Variants in SFXN5 observed in about 807,000 individuals in gnomAD.
SFXN5 encodes sideroflexin-5.
SFXN5 carries 43 observed loss-of-function variants against 50.2 expected under a neutral mutation model. The observed-to-expected ratio is 0.86, with a 90% CI of 0.67 to 1.11. The LOEUF (loss-of-function observed/expected upper bound fraction) is 1.11, where lower values mean the gene tolerates loss of function less well. Among genes scored for constraint, SFXN5 ranks in the 50% least tolerant of loss-of-function variants. The pLI is 0.00. For synonymous variants in SFXN5, 203 were observed against 185.8 expected (o/e 1.09, Z -0.75); for missense variants, 463 against 454.1 (o/e 1.02, Z -0.18).
At chr2:73,000,227 G>C (rs2105686564) in intron 8 of SFXN5, among the ~76,000 whole-genome samples, 1 of 152,256 alleles carries the variant, frequency 6.6e-6, no homozygotes, top group African/African-American at 2.4e-5. Flanking sequence ...AGGGCTCCTG[G>C]CCCAGAAACT....
intron 6 of SFXN5, among the ~76,000 whole-genome samples, chr2:73,015,107 T>C (rs1675984000): frequency 6.6e-6 from 1 of 152,258 alleles, no homozygotes; most frequent in South Asian, 2.1e-4. Context: ...TTATAGACAC[T>C]ATCAAGTTAA....
chr2:72,975,306 C>A (rs561221289), intron 10 of SFXN5, among the ~76,000 whole-genome samples: 1 of 152,124 alleles, frequency 6.6e-6, no homozygotes, highest in Non-Finnish European at 1.5e-5. Context: ...GACAAATGTG[C>A]AAGAAAGTTC....
intron 2 of SFXN5, among the ~76,000 whole-genome samples, chr2:73,042,875 G>A (rs1320745138): frequency 6.6e-6 from 1 of 151,762 alleles, no homozygotes; most frequent in East Asian, 1.9e-4. Context: ...CTTGAAGCCA[G>A]GAGTTTGAGA....
intron 3 of SFXN5, among the ~76,000 whole-genome samples, chr2:73,024,032 AC>A (rs1179946802): frequency 1.3e-5 from 2 of 151,752 alleles, no homozygotes; most frequent in South Asian, 2.1e-4. Flanking sequence ...TAATACCAAG[AC>A]CCCCATCAAT....
chr2:72,971,549 C>T, intron 11 of SFXN5, 21 bp downstream of exon 11: 1 of 1,598,704 alleles, frequency 6.3e-7, no homozygotes, highest in Non-Finnish European at 8.6e-7. Context: ...CCTCCCCAAC[C>T]CTGCGAACCC....
At chr2:73,050,420 A>ACACACACACACACACC (rs1553523879) in intron 2 of SFXN5, among the ~76,000 whole-genome samples, 379 of 140,772 alleles carry the variant, frequency 2.7e-3, no homozygotes, top group Middle Eastern at 3.7e-3. Context: ...ACACACACAC[A>ACACACACACACACACC]CCCCTGCAGA....
rs116749595 is a variant in SFXN5 at position 73,033,950 on chromosome 2, C to T, written c.249+6904G>A. 5.3e-5 allele frequency among the ~76,000 whole-genome samples: 8 copies of T among 152,136 alleles called. 1 individual carries two copies. The highest frequency in any genetic ancestry group is 4.6e-4 in the Admixed American group (7 of 15,292). On this transcript the variant is annotated intron_variant, in intron 3 of 13. Coordinates refer to ENST00000272433, the MANE Select transcript of SFXN5 (RefSeq NM_144579.3). ...CACCCTCAGTACACTGGACAGCCCT[C>T]GCAAAAAAGAATAATCTGGCTCCAA... is the stretch of plus-strand genomic sequence containing the variant.
intron 3 of SFXN5, among the ~76,000 whole-genome samples, chr2:73,037,453 A>G (rs1679129857): frequency 6.6e-6 from 1 of 152,238 alleles, no homozygotes. Flanking sequence ...TTTGACTAAC[A>G]GAAGTTCCAG....
At chr2:72,962,675 A>G (rs1673880384) in intron 12 of SFXN5, among the ~76,000 whole-genome samples, 2 of 152,228 alleles carry the variant, frequency 1.3e-5, no homozygotes, top group South Asian at 4.1e-4. Flanking sequence ...CTATGCAAGT[A>G]AAAGGGTGAG....
rs879354875 is a variant in SFXN5, at chr2:72,961,223, G to A, written c.853C>T (p.Arg285Trp). 13 of 1,538,698 alleles carry A rather than the reference G, an allele frequency of 8.4e-6. No homozygotes were observed. The highest frequency in any genetic ancestry group is 1.9e-4 in the Middle Eastern group (1 of 5,330). The part of the protein sequence containing the change: ...EKTALLQARP[R>W]LLLPVQSLVC... ...AGGCTTTGCACAGGGAGGAGCAGCC[G>A]GGGGCGTGCCTGCAGGAGAGCCGTC... The change falls in exon 13 of 14, where the codon CGG becomes TGG. Residue 285 changes from arginine to tryptophan, a missense_variant. By Grantham distance (101) the Arg-to-Trp change is moderately radical. Coordinates refer to ENST00000272433, the MANE Select transcript of SFXN5 (RefSeq NM_144579.3). The surrounding 1 kb of genome is among the most constrained non-coding windows in gnomAD (Gnocchi z 4.4).
In SFXN5 at chr2:72,998,937, G is replaced by A. The variant is rs372881738; in HGVS notation, c.534+12C>T. 1.6e-5 allele frequency: 26 copies of A among 1,613,532 alleles called. No homozygotes were observed. Among genetic ancestry groups the A allele is most frequent in the Middle Eastern group, 1.6e-4 (1 of 6,076 alleles). On this transcript the variant is annotated intron_variant, in intron 9 of 13. Coordinates refer to ENST00000272433, the MANE Select transcript of SFXN5 (RefSeq NM_144579.3). ...AGCAGAGCCAAGAAGGAGCAGGGGAGGGAGTACTCACAGCAATGGAGACGG... is the reference window on the plus strand; with the variant it reads ...AGCAGAGCCAAGAAGGAGCAGGGGAAGGAGTACTCACAGCAATGGAGACGG...
chr2:73,043,544 G>A (rs1270577370), intron 2 of SFXN5, among the ~76,000 whole-genome samples: 1 of 152,180 alleles, frequency 6.6e-6, no homozygotes, highest in African/African-American at 2.4e-5. Context: ...GCAGTCAGGG[G>A]GCCAGGAACA....
At chr2:73,053,173 CGA>C (rs1559209897) in intron 2 of SFXN5, among the ~76,000 whole-genome samples, 4 of 135,600 alleles carry the variant, frequency 2.9e-5, no homozygotes, top group Admixed American at 8.0e-5. Flanking sequence ...GACTCTGCCT[CGA>C]AAAAAAAAAA....
At chr2:73,056,643 C>A in intron 2 of SFXN5, among the ~76,000 whole-genome samples, 1 of 151,442 alleles carries the variant, frequency 6.6e-6, no homozygotes, top group Admixed American at 6.6e-5. Context: ...TGGGATCACA[C>A]CATTGCACTC....
intron 3 of SFXN5, among the ~76,000 whole-genome samples, chr2:73,027,738 C>G (rs915315081): frequency 2.0e-5 from 3 of 152,224 alleles, no homozygotes; most frequent in Non-Finnish European, 4.4e-5. Flanking sequence ...CAGCTCACTA[C>G]AGCCTCCACC....
chr2:73,065,757 G>A (rs1683126947), intron 1 of SFXN5, among the ~76,000 whole-genome samples: 1 of 152,128 alleles, frequency 6.6e-6, no homozygotes, highest in Non-Finnish European at 1.5e-5. Flanking sequence ...GTTTCACCAT[G>A]TTGGCCAGGC....
intron 6 of SFXN5, among the ~76,000 whole-genome samples, chr2:73,012,432 T>A (rs1187008906): frequency 2.0e-5 from 3 of 152,040 alleles, no homozygotes; most frequent in Admixed American, 6.6e-5. Flanking sequence ...GATTTTTTTT[T>A]AAATCCTAGG....
At chr2:73,028,786 G>T (rs1171532229) in intron 3 of SFXN5, among the ~76,000 whole-genome samples, 1 of 152,136 alleles carries the variant, frequency 6.6e-6, no homozygotes, top group African/African-American at 2.4e-5. Context: ...GAGGAAAGGA[G>T]ACAATGCAGG....
chr2:72,945,960 C>T lies in SFXN5; in HGVS notation c.946-861G>A, dbSNP rs978600396. 5.3e-5 allele frequency among the ~76,000 whole-genome samples: 8 copies of T among 152,032 alleles called. No individual in the cohort carries two copies. The highest frequency in any genetic ancestry group is 1.5e-4 in the African/African-American group (6 of 41,364). On this transcript the variant is annotated intron_variant, in intron 13 of 13. Transcript: ENST00000272433. The surrounding 1 kb of genome is among the most constrained non-coding windows in gnomAD (Gnocchi z 5.8). Reference sequence around the variant, plus strand: ...CACGCATCCTGGGCAGGTGACACTTCCTCTTATTTAGGGAAAAAGCTGAAG... The same window carrying T: ...CACGCATCCTGGGCAGGTGACACTTTCTCTTATTTAGGGAAAAAGCTGAAG...
Sources: allele counts gnomAD v4.1 joint callset (sites outside exome capture counted in the v4.1 genomes callset), GRCh38; gene constraint gnomAD v4.1.1; non-coding constraint Gnocchi (gnomAD v3.1); transcripts MANE v1.5; gene names NCBI Gene and HGNC (gene_info 2026-07-23, HGNC 2026-07-21).